The following SETD4 variants were observed in gnomAD, a reference collection of about 807,000 sequenced individuals.
The protein encoded by SETD4 is SET domain-containing protein 4.
Under a neutral mutation model 58.3 loss-of-function variants are expected in SETD4, and 46 were observed. That is an observed-to-expected ratio of 0.79 (90% confidence interval 0.62 to 1.01). The LOEUF is 1.01. SETD4 is among the 50% of genes least tolerant of loss of function. SETD4 has a pLI of 0.00. For synonymous variants in SETD4, 190 were observed against 202.6 expected (o/e 0.94, Z 0.53); for missense variants, 490 against 523.3 (o/e 0.94, Z 0.62).
rs746319356 is a variant in SETD4, at chr21:36,036,184, G to A, written c.1256C>T (p.Thr419Met). The A allele has an allele frequency of 1.7e-5, 27 of 1,613,704 alleles. No individual in the cohort carries two copies. Among genetic ancestry groups the A allele is most frequent in the South Asian group, 4.4e-5 (4 of 90,938 alleles). Residue 419 changes from threonine (T) to methionine (M), a missense_variant, in exon 11 of 12, where the codon ACG becomes ATG. Coordinates refer to ENST00000332131, the MANE Select transcript of SETD4 (RefSeq NM_017438.5). Reference protein sequence around the residue: ...NQLTLVESLWTEELKILRASA... With the variant: ...NQLTLVESLWMEELKILRASA... ...TGCCCTGAGAATCTTTAGCTCTTCC[G>A]TCCACAAGGATTCCACCAAAGTTAG...
At chr21:36,057,381 C>G (rs7282629) in intron 2 of SETD4, 177 bp from the exon 3 acceptor site, 18 of 724,670 alleles carry the variant, frequency 2.5e-5, no homozygotes, top group Non-Finnish European at 4.6e-5. Context: ...CGCAATGACT[C>G]ACTTCTGTAT....
intron 11 of SETD4, 29 bp from the exon 12 acceptor site, chr21:36,035,989 A>C (rs1400369720): frequency 1.6e-6 from 2 of 1,219,516 alleles, no homozygotes; most frequent in Non-Finnish European, 2.3e-6. Context: ...GAAAAGGATT[A>C]AGTTCCTAAT....
chr21:36,043,621 T>G, intron 7 of SETD4, 161 bp downstream of exon 7: 1 of 1,415,340 alleles, frequency 7.1e-7, no homozygotes, highest in Non-Finnish European at 9.2e-7. Flanking sequence ...AACACTGAAA[T>G]TACAGCCAGT....
chr21:36,048,315 T>C lies in SETD4; in HGVS notation c.289A>G (p.Ile97Val), dbSNP rs780935462. The change falls in exon 5 of 12, where the codon ATT becomes GTT. Residue 97 changes from isoleucine to valine, a missense_variant. Ile to Val is a conservative substitution (Grantham distance 29). Coordinates refer to ENST00000332131, the MANE Select transcript of SETD4 (RefSeq NM_017438.5). Reference protein sequence around the residue: ...TVIRSYLGAYITKWKPPPSPL... With the variant: ...TVIRSYLGAYVTKWKPPPSPL... ...AAGTGTGTGGTCACTTACTTAGTAA[T>C]GTATGCCCCTAAGTAGCTTCGAATC... is the stretch of plus-strand genomic sequence containing the variant. The C allele has an allele frequency of 3.1e-6, 5 of 1,613,668 alleles. No homozygotes were observed. The highest frequency in any genetic ancestry group is 1.1e-5 in the South Asian group (1 of 91,080).
At chr21:36,042,045 A>C (rs534939638) in intron 7 of SETD4, 157 bp from the exon 8 acceptor site, 23 of 512,460 alleles carry the variant, frequency 4.5e-5, no homozygotes, top group Non-Finnish European at 8.0e-5. Context: ...CTTCAAGTCC[A>C]ATTCAGTCAC....
chr21:36,056,618 G>T (rs974658370), intron 3 of SETD4, among the ~76,000 whole-genome samples: 5 of 152,178 alleles, frequency 3.3e-5, no homozygotes, highest in Non-Finnish European at 5.9e-5. Flanking sequence ...GAGTGCAGGG[G>T]CATGATCATG....
At chr21:36,045,462 G>A (rs2064271344) in intron 6 of SETD4, 120 bp downstream of exon 6, 1 of 1,253,512 alleles carries the variant, frequency 8.0e-7, no homozygotes, top group Non-Finnish European at 1.1e-6. Context: ...AACCTGACAG[G>A]GTCACCTGAA....
Position 36,038,245 on chromosome 21 carries a change from C to A in SETD4, c.1093G>T (p.Glu365Ter). ...TTCTCATTCGTATCTGAAATTACCT[C>A]CCCAAGAAGTACTTTTTTCCAGCAT... Reference protein sequence around the residue: ...FTCWKKVLLGEVISDTNEKTS... With the variant: ...FTCWKKVLLG The change falls in exon 10 of 12, where the codon GAG becomes TAG. Residue 365 changes from glutamate to a stop codon, truncating the protein, a stop_gained. Transcript: ENST00000332131. LOFTEE classifies it high-confidence loss of function. 1.9e-6 allele frequency: 3 copies of A among 1,613,668 alleles called. No individual in the cohort carries two copies. The highest frequency in any genetic ancestry group is 2.5e-6 in the Non-Finnish European group (3 of 1,179,924).
rs529336220 is a variant in SETD4, at chr21:36,037,504, C to T, written c.1188+646G>A. ...CTTGTAATCCCAGCTACTCGGGAGG[C>T]TGAGGCAGGAGAATCACTTGAACCC... On this transcript the variant is annotated intron_variant, in intron 10 of 11. Coordinates refer to ENST00000332131, the MANE Select transcript of SETD4 (RefSeq NM_017438.5). 1.1e-3 allele frequency among the ~76,000 whole-genome samples: 162 copies of T among 149,836 alleles called. No individual in the cohort carries two copies. In the South Asian group the frequency reaches 0.014, roughly 13 times the overall value.
chr21:36,044,837 C>T (rs2064233242), intron 6 of SETD4, among the ~76,000 whole-genome samples: 1 of 152,220 alleles, frequency 6.6e-6, no homozygotes, highest in Non-Finnish European at 1.5e-5. Context: ...CCCTCCACAA[C>T]ACACCCCAAA....
chr21:36,039,226 G>A (rs1243017086), intron 9 of SETD4, among the ~76,000 whole-genome samples: 2 of 151,904 alleles, frequency 1.3e-5, no homozygotes, highest in South Asian at 2.1e-4. Flanking sequence ...AAGAAAGCAC[G>A]ATAATCCGCA....
At chr21:36,051,094 T>G in intron 4 of SETD4, 2 of 1,417,984 alleles carry the variant, frequency 1.4e-6, no homozygotes, top group Non-Finnish European at 2.0e-6. Flanking sequence ...GCTTGTAATC[T>G]AGATGTAGCT....
intron 10 of SETD4, 108 bp downstream of exon 10, chr21:36,038,042 G>C: frequency 8.3e-7 from 1 of 1,205,954 alleles, no homozygotes; most frequent in Non-Finnish European, 1.1e-6. Context: ...TTTATTTAAG[G>C]CACTAAACAA....
At chr21:36,037,724 C>T (rs963868348) in intron 10 of SETD4, among the ~76,000 whole-genome samples, 5 of 150,296 alleles carry the variant, frequency 3.3e-5, no homozygotes, top group African/African-American at 7.3e-5. Context: ...TCAGGCCAGG[C>T]GCAGTGGACA....
intron 9 of SETD4, 64 bp downstream of exon 9, chr21:36,040,511 C>A (rs1301452500): frequency 7.0e-7 from 1 of 1,436,574 alleles, no homozygotes; most frequent in East Asian, 2.3e-5. Flanking sequence ...AACAAACAAA[C>A]CAACCCTCCA....
rs2063778827 is a variant in SETD4 at position 36,036,311 on chromosome 21, ACG to A, written c.1189-62_1189-61del. On this transcript the variant is annotated intron_variant, in intron 10 of 11. Coordinates refer to ENST00000332131, the MANE Select transcript of SETD4 (RefSeq NM_017438.5). The stretch of plus-strand genomic sequence containing the variant: ...AAAACATATATATATATTTCACAGA[ACG>A]TACGTACCTTTTTAACCAATTTTAA... 22 of 108,578 alleles carry A rather than the reference ACG, an allele frequency of 2.0e-4. No individual in the cohort carries two copies. The South Asian group carries it at 4.6e-3, about 23-fold the overall frequency. The allele number at this position is 108,578 out of a possible 1,614,324, so 6.7% of individuals were successfully genotyped here. A position where few individuals can be genotyped will look rare whatever the true frequency, so the allele number is the denominator to read the frequency against.
intron 10 of SETD4, among the ~76,000 whole-genome samples, chr21:36,037,047 G>T (rs1026632540): frequency 6.6e-6 from 1 of 152,162 alleles, no homozygotes; most frequent in African/African-American, 2.4e-5. Flanking sequence ...TTAGGGAGAT[G>T]TTGATCAAAA....
chr21:36,045,563 TC>T lies in SETD4; in HGVS notation c.726+18del. ...CTTCCTATCCAAATAGAATAGCTGCTCCCTTGTCAGCTTCTCACCTGGACAT... is the reference window on the plus strand; with the variant it reads ...CTTCCTATCCAAATAGAATAGCTGCTCCTTGTCAGCTTCTCACCTGGACAT... On this transcript the variant is annotated intron_variant, in intron 6 of 11. Transcript: ENST00000332131. 6.2e-7 allele frequency: 1 copy of T among 1,606,872 alleles called. No homozygotes were observed. Among genetic ancestry groups the T allele is most frequent in the African/African-American group, 1.3e-5 (1 of 74,894 alleles).
chr21:36,053,698 A>G, intron 3 of SETD4, 78 bp from the exon 4 acceptor site: 1 of 1,422,238 alleles, frequency 7.0e-7, no homozygotes, highest in Non-Finnish European at 9.9e-7. Flanking sequence ...TGGAAAAAAA[A>G]AATGTGAACT....
Sources: gnomAD v4.1 joint callset for allele counts (sites outside exome capture counted in the v4.1 genomes callset) on GRCh38, gnomAD v4.1.1 for gene constraint, MANE v1.5 for transcripts, NCBI Gene and HGNC (gene_info 2026-07-23, HGNC 2026-07-21) for gene names.